Variants in HFM1 observed in about 807,000 individuals in gnomAD.
HFM1 encodes the protein probable ATP-dependent DNA helicase HFM1.
HFM1 carries 169 observed loss-of-function variants against 192.1 expected under a neutral mutation model. The observed-to-expected ratio is 0.88, with a 90% CI of 0.78 to 1.00. The LOEUF is 1.00. Ranked by LOEUF, HFM1 falls within the 50% of genes least tolerant of loss-of-function variation. The pLI, the probability that HFM1 is intolerant of heterozygous loss-of-function variation, is 0.00. For missense variants in HFM1, 1,661 were observed against 1,668.0 expected, an observed-to-expected ratio of 1.00 and a Z score of 0.07; for synonymous variants, 525 against 537.8, an observed-to-expected ratio of 0.98 and a Z score of 0.33.
intron 30 of HFM1, among the ~76,000 whole-genome samples, chr1:91,297,577 C>A (rs940246597): frequency 2.0e-5 from 3 of 152,186 alleles, no homozygotes; most frequent in African/African-American, 7.2e-5. Context: ...CAGCCGGGTA[C>A]CCCTCTGAGA....
chr1:91,290,983 A>C (rs1321488333), intron 30 of HFM1, among the ~76,000 whole-genome samples: 2 of 152,218 alleles, frequency 1.3e-5, no homozygotes, highest in East Asian at 3.8e-4. Context: ...GGCAGAAATA[A>C]AGATGTTCTT....
intron 13 of HFM1, among the ~76,000 whole-genome samples, chr1:91,373,528 T>C (rs1660516800): frequency 2.6e-5 from 4 of 152,042 alleles, no homozygotes; most frequent in Admixed American, 2.6e-4. Flanking sequence ...ATCTCCAGTA[T>C]TGAAGGTGAG....
chr1:91,396,342 A>T lies in HFM1; in HGVS notation c.135T>A (p.Ile45=). The change falls in exon 3 of 39, where the codon ATT becomes ATA. Residue 45 remains isoleucine, a synonymous_variant. Transcript: ENST00000370425. ...FLPPAPLISE[I]PDTQELEEEL... is the part of the protein sequence containing the mutation. ...CTTCCTCTAACTCCTGAGTATCTGGAATTTCTGAAATCAATGGAGCAGGAG... is the reference window on the plus strand; with the variant it reads ...CTTCCTCTAACTCCTGAGTATCTGGTATTTCTGAAATCAATGGAGCAGGAG... 6.2e-7 allele frequency: 1 copy of T among 1,604,306 alleles called. No homozygotes were observed. The highest frequency in any genetic ancestry group is 1.1e-5 in the South Asian group (1 of 89,848).
intron 26 of HFM1, 62 bp downstream of exon 26, chr1:91,316,329 T>C: frequency 1.8e-6 from 2 of 1,119,568 alleles, no homozygotes; most frequent in South Asian, 1.5e-5. Flanking sequence ...AAATAACTTT[T>C]AATAGAAATA....
intron 30 of HFM1, among the ~76,000 whole-genome samples, chr1:91,304,482 T>C (rs1395197346): frequency 1.3e-5 from 2 of 152,142 alleles, no homozygotes; most frequent in African/African-American, 2.4e-5. Flanking sequence ...TTGTTTGTTT[T>C]TGAGACAGAG....
chr1:91,328,246 G>C, intron 20 of HFM1: 2 of 564,592 alleles, frequency 3.5e-6, no homozygotes, highest in Non-Finnish European at 5.8e-6. Context: ...AAGAAGGGCT[G>C]AGTGTCAGGC....
intron 11 of HFM1, among the ~76,000 whole-genome samples, chr1:91,376,517 G>A (rs1176581025): frequency 1.3e-5 from 2 of 151,700 alleles, no homozygotes; most frequent in African/African-American, 4.8e-5. Context: ...TATCACAAAG[G>A]GGAAAAGTTT....
intron 13 of HFM1, among the ~76,000 whole-genome samples, chr1:91,359,882 C>T (rs58424833): frequency 0.099 from 15,057 of 152,178 alleles, 784 homozygotes; most frequent in East Asian, 0.16. Flanking sequence ...AAAGTCAGGT[C>T]ACCTACAAAG....
chr1:91,355,039 T>TA (rs774152249), intron 13 of HFM1, among the ~76,000 whole-genome samples: 32 of 152,100 alleles, frequency 2.1e-4, no homozygotes, highest in Non-Finnish European at 4.1e-4. Context: ...AATGAGTTGT[T>TA]AAGGAATACT....
intron 27 of HFM1, 46 bp downstream of exon 27, chr1:91,316,055 A>C (rs372799874): frequency 1.3e-6 from 2 of 1,483,148 alleles, no homozygotes; most frequent in African/African-American, 1.4e-5. Context: ...AGGTAGCTTT[A>C]TTTCTGAAAA....
intron 30 of HFM1, among the ~76,000 whole-genome samples, chr1:91,304,111 T>C (rs1469625198): frequency 6.6e-6 from 1 of 152,138 alleles, no homozygotes; most frequent in Non-Finnish European, 1.5e-5. Flanking sequence ...CGCCTCGGCC[T>C]CCCAAAGTGT....
chr1:91,374,757 T>C (rs550050025), intron 13 of HFM1, among the ~76,000 whole-genome samples: 14 of 152,270 alleles, frequency 9.2e-5, no homozygotes, highest in African/African-American at 1.9e-4. Flanking sequence ...AGATGGACTA[T>C]AGGCCTGGAG....
chr1:91,288,477 TA>T (rs1389358964), intron 30 of HFM1, among the ~76,000 whole-genome samples: 14 of 151,036 alleles, frequency 9.3e-5, no homozygotes, highest in Admixed American at 4.6e-4. Flanking sequence ...GGTCAGCAGA[TA>T]AACATGTGAA....
intron 30 of HFM1, among the ~76,000 whole-genome samples, chr1:91,308,342 A>G (rs10923008): frequency 0.24 from 36,692 of 151,888 alleles, 4,801 homozygotes; most frequent in East Asian, 0.53. Flanking sequence ...CACAAATCCT[A>G]TATTTGGTTA....
At chr1:91,324,907 C>T in intron 20 of HFM1, 141 bp from the exon 21 acceptor site, 1 of 659,008 alleles carries the variant, frequency 1.5e-6, no homozygotes, top group Non-Finnish European at 2.8e-6. Flanking sequence ...ACTGCAGGAA[C>T]ACCAAATTTT....
At chr1:91,316,241 A>C in intron 26 of HFM1, 57 bp from the exon 27 acceptor site, 1 of 1,168,720 alleles carries the variant, frequency 8.6e-7, no homozygotes, top group Non-Finnish European at 1.2e-6. Context: ...CTTTTAGTAA[A>C]ATATTTTTTA....
intron 1 of HFM1, among the ~76,000 whole-genome samples, chr1:91,403,768 G>A (rs529240491): frequency 6.6e-6 from 1 of 152,138 alleles, no homozygotes; most frequent in South Asian, 2.1e-4. Flanking sequence ...ACCTTCTCTA[G>A]TTATATTAAT....
chr1:91,294,591 G>T (rs1158102065), intron 30 of HFM1, among the ~76,000 whole-genome samples: 1 of 152,214 alleles, frequency 6.6e-6, no homozygotes, highest in Admixed American at 6.5e-5. Context: ...GCTGCTTTTG[G>T]GTTGCAAACA....
chr1:91,360,951 T>C (rs371326208), intron 13 of HFM1, among the ~76,000 whole-genome samples: 3 of 152,090 alleles, frequency 2.0e-5, no homozygotes, highest in East Asian at 1.9e-4. Flanking sequence ...GACTCTTGGG[T>C]AAATAATGAA....
Sources: allele counts gnomAD v4.1 joint callset (sites outside exome capture counted in the v4.1 genomes callset), GRCh38; gene constraint gnomAD v4.1.1; transcripts MANE v1.5; gene names NCBI Gene and HGNC (gene_info 2026-07-23, HGNC 2026-07-21).